The following TMOD3 variants were observed in gnomAD, a reference collection of about 807,000 sequenced individuals.
The protein encoded by TMOD3 is tropomodulin-3.
In TMOD3, 20 loss-of-function variants were observed where a neutral mutation model predicts 39.2. That is an observed-to-expected ratio of 0.51 (90% CI 0.36 to 0.74). The LOEUF (loss-of-function observed/expected upper bound fraction) is 0.74. Ranked by LOEUF, TMOD3 falls within the 30% of genes least tolerant of loss-of-function variation. The probability of loss-of-function intolerance (pLI) is 0.00; values close to 1 mark genes in which losing one functional copy is unlikely to be tolerated. For missense variants in TMOD3, 381 were observed against 412.8 expected, an observed-to-expected ratio of 0.92 and a Z score of 0.67; for synonymous variants, 143 against 145.8, an observed-to-expected ratio of 0.98 and a Z score of 0.14.
At chr15:51,901,572 AGTGT>A (rs57976840) in intron 8 of TMOD3, 16,436 of 184,560 alleles carry the variant, frequency 0.089, 1,154 homozygotes, top group East Asian at 0.47. Context: ...TAAAAAGTTT[AGTGT>A]GTGTGTGTGT....
At chr15:51,844,115 G>A (rs77470121) in intron 1 of TMOD3, among the ~76,000 whole-genome samples, 5,392 of 152,092 alleles carry the variant, frequency 0.035, 127 homozygotes, top group Non-Finnish European at 0.05. Flanking sequence ...AAATGCACAT[G>A]GTACAAAACT....
intron 6 of TMOD3, among the ~76,000 whole-genome samples, chr15:51,895,832 G>A (rs2056617888): frequency 6.6e-6 from 1 of 152,128 alleles, no homozygotes; most frequent in African/African-American, 2.4e-5. Flanking sequence ...ATGAAGGCTG[G>A]GTGCAGTGAC....
intron 2 of TMOD3, among the ~76,000 whole-genome samples, chr15:51,867,684 T>C (rs917974536): frequency 6.6e-6 from 1 of 152,214 alleles, no homozygotes; most frequent in South Asian, 2.1e-4. Flanking sequence ...ACTGCCAATA[T>C]TGGGAGGTTT....
intron 1 of TMOD3, chr15:51,860,491 G>T: frequency 1.7e-6 from 1 of 572,158 alleles, no homozygotes. Flanking sequence ...AGTGCCCAAA[G>T]AAATAGTTGC....
intron 3 of TMOD3, among the ~76,000 whole-genome samples, chr15:51,884,890 A>G (rs1281379521): frequency 7.9e-5 from 12 of 152,210 alleles, no homozygotes; most frequent in Non-Finnish European, 1.6e-4. Flanking sequence ...GTGAGATAAT[A>G]AAACTTCATG....
chr15:51,875,077 C>T (rs1437200057), intron 3 of TMOD3: 2 of 152,250 alleles, frequency 1.3e-5, no homozygotes, highest in African/African-American at 2.4e-5. Context: ...CATATGCTGT[C>T]CAAGTTATTT....
intron 1 of TMOD3, among the ~76,000 whole-genome samples, chr15:51,853,017 A>G (rs546232510): frequency 6.6e-6 from 1 of 152,322 alleles, no homozygotes; most frequent in South Asian, 2.1e-4. Context: ...TAGGTGTCTA[A>G]TCTCTTAAAA....
chr15:51,877,183 A>G (rs955873438), intron 3 of TMOD3, among the ~76,000 whole-genome samples: 1 of 152,172 alleles, frequency 6.6e-6, no homozygotes, highest in African/African-American at 2.4e-5. Flanking sequence ...TGTTAAGTCA[A>G]TTTTGATAGA....
intron 1 of TMOD3, among the ~76,000 whole-genome samples, chr15:51,850,890 C>T (rs1026020522): frequency 4.6e-5 from 7 of 152,144 alleles, no homozygotes; most frequent in South Asian, 2.1e-4. Context: ...CGCGCCACCA[C>T]GCTCAGTTAA....
chr15:51,866,002 G>C (rs1474905887), intron 2 of TMOD3, among the ~76,000 whole-genome samples: 1 of 152,140 alleles, frequency 6.6e-6, no homozygotes, highest in Admixed American at 6.5e-5. Context: ...CACTGCAAGA[G>C]AGAAACGTGT....
At chr15:51,868,084 A>G (rs1355857735) in intron 2 of TMOD3, among the ~76,000 whole-genome samples, 1 of 152,232 alleles carries the variant, frequency 6.6e-6, no homozygotes, top group Admixed American at 6.5e-5. Context: ...GTACGCATAC[A>G]CACACAAGTG....
At chr15:51,877,563 C>T (rs980596708) in intron 3 of TMOD3, among the ~76,000 whole-genome samples, 3 of 151,948 alleles carry the variant, frequency 2.0e-5, no homozygotes, top group African/African-American at 7.3e-5. Context: ...GCCTGTAATC[C>T]CAGCTACTAG....
chr15:51,878,744 T>C (rs575859873), intron 3 of TMOD3, among the ~76,000 whole-genome samples: 1 of 152,314 alleles, frequency 6.6e-6, no homozygotes, highest in African/African-American at 2.4e-5. Flanking sequence ...TTCTTTAGTT[T>C]GATTGGTTTG....
chr15:51,831,286 C>T (rs1268609833), intron 1 of TMOD3, among the ~76,000 whole-genome samples: 1 of 152,158 alleles, frequency 6.6e-6, no homozygotes, highest in Admixed American at 6.5e-5. Context: ...TAATTAATAA[C>T]TTCATCTGAA....
At chr15:51,864,260 A>G (rs1051931384) in intron 2 of TMOD3, among the ~76,000 whole-genome samples, 2 of 106,394 alleles carry the variant, frequency 1.9e-5, no homozygotes, top group Non-Finnish European at 3.9e-5. Context: ...AGCAAGACTT[A>G]TCTCAAAAAA....
chr15:51,884,983 C>A (rs1420130733), intron 3 of TMOD3, among the ~76,000 whole-genome samples: 1 of 151,788 alleles, frequency 6.6e-6, no homozygotes, highest in East Asian at 1.9e-4. Context: ...AAACTCAGAC[C>A]CCAGTCAGAC....
chr15:51,887,154 G>A (rs1313912471), intron 3 of TMOD3, among the ~76,000 whole-genome samples: 4 of 151,122 alleles, frequency 2.6e-5, no homozygotes, highest in African/African-American at 9.7e-5. Flanking sequence ...CCGGGAGGTG[G>A]AGGTTGCAGT....
intron 1 of TMOD3, among the ~76,000 whole-genome samples, chr15:51,842,691 C>T (rs765933851): frequency 6.6e-6 from 1 of 152,084 alleles, no homozygotes; most frequent in African/African-American, 2.4e-5. Flanking sequence ...TGACTGAGTT[C>T]GTGCTTTTAT....
intron 1 of TMOD3, among the ~76,000 whole-genome samples, chr15:51,844,467 A>G (rs17705817): frequency 0.13 from 19,634 of 151,970 alleles, 1,638 homozygotes; most frequent in East Asian, 0.27. Flanking sequence ...TTCCAAGTCA[A>G]TTTTTCTAAC....
Sources: gnomAD v4.1 joint callset for allele counts (sites outside exome capture counted in the v4.1 genomes callset) on GRCh38, gnomAD v4.1.1 for gene constraint, MANE v1.5 for transcripts, NCBI Gene and HGNC (gene_info 2026-07-23, HGNC 2026-07-21) for gene names.